The following ASIC2 variants were observed in gnomAD, a reference collection of about 807,000 sequenced individuals.
The protein encoded by ASIC2 is acid sensing ion channel subunit 2.
Under a neutral mutation model 57.3 loss-of-function variants are expected in ASIC2, and 25 were observed. That is an observed-to-expected ratio of 0.44 (90% CI 0.32 to 0.61). ASIC2 has a LOEUF of 0.61. ASIC2 is among the 20% of genes least tolerant of loss of function. ASIC2 has a pLI of 0.06. For missense variants in ASIC2, 641 were observed against 738.1 expected, an observed-to-expected ratio of 0.87 and a Z score of 1.52; for synonymous variants, 319 against 307.5, an observed-to-expected ratio of 1.04 and a Z score of -0.39.
At chr17:33,532,789 G>A (rs995272004) in intron 1 of ASIC2, among the ~76,000 whole-genome samples, 2 of 152,148 alleles carry the variant, frequency 1.3e-5, no homozygotes, top group Non-Finnish European at 2.9e-5. Flanking sequence ...CGATAGAATC[G>A]ATACAAGTCT....
At chr17:33,288,187 G>T (rs892855237) in intron 1 of ASIC2, among the ~76,000 whole-genome samples, 1 of 152,082 alleles carries the variant, frequency 6.6e-6, no homozygotes, top group Admixed American at 6.6e-5. Context: ...ATCTAAACAG[G>T]GTGGAAGAGG....
intron 1 of ASIC2, among the ~76,000 whole-genome samples, chr17:33,246,377 G>A (rs1334111419): frequency 1.3e-5 from 2 of 152,162 alleles, no homozygotes; most frequent in African/African-American, 2.4e-5. Context: ...AGGATGAAAC[G>A]CCATGTGTAA....
At chr17:33,551,441 G>A (rs1915750190) in intron 1 of ASIC2, among the ~76,000 whole-genome samples, 1 of 152,188 alleles carries the variant, frequency 6.6e-6, no homozygotes, top group South Asian at 2.1e-4. Flanking sequence ...CACCTTCACA[G>A]GAAGAGACAC....
At chr17:33,925,470 G>T (rs1167749395) in intron 1 of ASIC2, among the ~76,000 whole-genome samples, 3 of 152,198 alleles carry the variant, frequency 2.0e-5, no homozygotes, top group Admixed American at 6.5e-5. Flanking sequence ...GCAGAATGGG[G>T]ATTAGACCTC....
chr17:33,643,697 A>C (rs1238290760), intron 1 of ASIC2, among the ~76,000 whole-genome samples: 1 of 152,214 alleles, frequency 6.6e-6, no homozygotes, highest in Admixed American at 6.5e-5. Flanking sequence ...ACATTTATAA[A>C]AATTATTAGT....
chr17:33,746,363 T>C (rs573761828), intron 1 of ASIC2, among the ~76,000 whole-genome samples: 2 of 148,808 alleles, frequency 1.3e-5, no homozygotes, highest in Non-Finnish European at 3.0e-5. Context: ...TACCTATATA[T>C]GTAGATATAC....
chr17:34,039,876 T>G (rs1386844431), intron 1 of ASIC2: 3 of 1,598,818 alleles, frequency 1.9e-6, no homozygotes, highest in Non-Finnish European at 2.6e-6. Context: ...CCATCATTTC[T>G]ACTGCCGCCG....
chr17:33,981,833 G>A (rs1905637119), intron 1 of ASIC2, among the ~76,000 whole-genome samples: 2 of 152,154 alleles, frequency 1.3e-5, no homozygotes, highest in South Asian at 2.1e-4. Context: ...TATAGATGAG[G>A]AATTTGAGGC....
At chr17:33,926,747 T>A (rs1013156726) in intron 1 of ASIC2, among the ~76,000 whole-genome samples, 3 of 152,206 alleles carry the variant, frequency 2.0e-5, no homozygotes, top group Non-Finnish European at 4.4e-5. Context: ...AGCAGCACAG[T>A]AGCATCACCA....
Position 34,020,553 on chromosome 17 carries a change from A to C in ASIC2, c.555+135425T>G, listed in dbSNP as rs1377046827. ...TCAGACCTGTCGAGCAGAAGAAGTT[A>C]GAGAGATTTGAGTGATAGAGGAACT... On this transcript the variant is annotated intron_variant, in intron 1 of 9. Coordinates refer to the ASIC2 transcript ENST00000359872. 3.3e-5 allele frequency among the ~76,000 whole-genome samples: 5 copies of C among 152,226 alleles called. No individual in the cohort carries two copies. The East Asian group carries it at 9.6e-4, about 29-fold the overall frequency.
At chr17:33,437,011 G>A (rs1031142131) in intron 1 of ASIC2, among the ~76,000 whole-genome samples, 18 of 149,104 alleles carry the variant, frequency 1.2e-4, no homozygotes, top group Middle Eastern at 3.4e-3. Context: ...GACTACAGGC[G>A]CCCGCTACCA....
intron 1 of ASIC2, among the ~76,000 whole-genome samples, chr17:33,210,765 C>G (rs1181776779): frequency 6.6e-6 from 1 of 152,180 alleles, no homozygotes; most frequent in South Asian, 2.1e-4. Flanking sequence ...TGTGCAGGAC[C>G]CTGCCTAGAT....
intron 1 of ASIC2, among the ~76,000 whole-genome samples, chr17:33,554,333 A>C (rs992076513): frequency 1.5e-4 from 22 of 151,388 alleles, no homozygotes; most frequent in African/African-American, 5.1e-4. Flanking sequence ...TAATGGAGTT[A>C]GACTATTTTA....
intron 1 of ASIC2, among the ~76,000 whole-genome samples, chr17:33,605,335 A>C (rs1905205938): frequency 6.6e-6 from 1 of 152,238 alleles, no homozygotes; most frequent in African/African-American, 2.4e-5. Flanking sequence ...GCTCCTGTGC[A>C]GGGTCTGTTT....
intron 1 of ASIC2, among the ~76,000 whole-genome samples, chr17:33,285,512 A>T (rs1905117689): frequency 6.6e-6 from 1 of 152,216 alleles, no homozygotes; most frequent in Admixed American, 6.5e-5. Flanking sequence ...AGAACTTTTC[A>T]GCTAAATCCC....
chr17:33,563,581 A>G (rs546516121), intron 1 of ASIC2, among the ~76,000 whole-genome samples: 1 of 152,328 alleles, frequency 6.6e-6, no homozygotes, highest in East Asian at 1.9e-4. Flanking sequence ...GCATGGCCTC[A>G]GGTCTGCTCC....
intron 1 of ASIC2, among the ~76,000 whole-genome samples, chr17:34,105,922 T>C (rs1911033176): frequency 6.6e-6 from 1 of 152,114 alleles, no homozygotes; most frequent in Non-Finnish European, 1.5e-5. Context: ...TATGTTATAC[T>C]TCAATCTAGT....
chr17:33,082,185 C>T (rs941324586), intron 3 of ASIC2, among the ~76,000 whole-genome samples: 2 of 151,872 alleles, frequency 1.3e-5, no homozygotes, highest in African/African-American at 4.8e-5. Context: ...AAATATAAAC[C>T]CAGGGCCAAG....
chr17:33,690,458 G>A (rs1217506231), intron 1 of ASIC2, among the ~76,000 whole-genome samples: 2 of 152,258 alleles, frequency 1.3e-5, no homozygotes, highest in African/African-American at 4.8e-5. Context: ...GGATGCATGG[G>A]CTTCTTCATA....
Sources: gnomAD v4.1 joint callset for allele counts (sites outside exome capture counted in the v4.1 genomes callset) on GRCh38, gnomAD v4.1.1 for gene constraint, MANE v1.5 for transcripts, NCBI Gene and HGNC (gene_info 2026-07-23, HGNC 2026-07-21) for gene names.